The following SPATA17 variants were observed in gnomAD, a reference collection of about 807,000 sequenced individuals.
SPATA17 encodes spermatogenesis associated 17, also known as spermatogenesis-associated protein 17.
A neutral mutation model predicts 62.2 loss-of-function variants in SPATA17; 53 were observed. That is an observed-to-expected ratio of 0.85 (90% CI 0.68 to 1.07). The LOEUF (loss-of-function observed/expected upper bound fraction) is 1.07. SPATA17 is among the 50% of genes least tolerant of loss of function. SPATA17 has a pLI of 0.00. For synonymous variants in SPATA17, 146 were observed against 146.8 expected, an observed-to-expected ratio of 0.99 and a Z score of 0.04; for missense variants, 466 against 425.5, an observed-to-expected ratio of 1.10 and a Z score of -0.84.
At chr1:217,663,636 T>A (rs1670618508) in intron 3 of SPATA17, among the ~76,000 whole-genome samples, 1 of 152,170 alleles carries the variant, frequency 6.6e-6, no homozygotes, top group African/African-American at 2.4e-5. Context: ...AGATCTGTTA[T>A]CCATTGTGCA....
chr1:217,843,191 C>T (rs896709267), intron 9 of SPATA17, among the ~76,000 whole-genome samples: 9 of 152,106 alleles, frequency 5.9e-5, no homozygotes, highest in African/African-American at 2.2e-4. Context: ...TTCTTGGGCA[C>T]AGCATTCTAC....
chr1:217,658,211 CA>C (rs1670483911), intron 3 of SPATA17, among the ~76,000 whole-genome samples: 1 of 152,110 alleles, frequency 6.6e-6, no homozygotes, highest in African/African-American at 2.4e-5. Context: ...GTGTTTGGGT[CA>C]TGGGGGAGGA....
chr1:217,667,659 GAT>G (rs577940753), intron 3 of SPATA17, among the ~76,000 whole-genome samples: 151 of 152,202 alleles, frequency 9.9e-4, no homozygotes, highest in African/African-American at 3.3e-3. Flanking sequence ...ACAATGATAT[GAT>G]AAAGACAAGA....
intron 9 of SPATA17, among the ~76,000 whole-genome samples, chr1:217,822,022 G>T (rs1490287202): frequency 1.3e-5 from 2 of 152,086 alleles, no homozygotes; most frequent in Non-Finnish European, 1.5e-5. Context: ...ACTAGGGATT[G>T]CTAAACTTTC....
At chr1:217,792,470 A>G (rs1674018083) in intron 8 of SPATA17, among the ~76,000 whole-genome samples, 1 of 152,106 alleles carries the variant, frequency 6.6e-6, no homozygotes, top group Non-Finnish European at 1.5e-5. Context: ...CTTTCTACTG[A>G]CTAGCTTAAC....
At chr1:217,814,308 T>G (rs1195558688) in intron 9 of SPATA17, among the ~76,000 whole-genome samples, 3 of 152,182 alleles carry the variant, frequency 2.0e-5, no homozygotes, top group Non-Finnish European at 2.9e-5. Flanking sequence ...GAGAGATCTC[T>G]CCATTAGATT....
At chr1:217,836,703 T>G (rs921847579) in intron 9 of SPATA17, among the ~76,000 whole-genome samples, 6 of 152,096 alleles carry the variant, frequency 3.9e-5, no homozygotes, top group Non-Finnish European at 8.8e-5. Flanking sequence ...AAATCAAAAT[T>G]TGGGTTAATT....
chr1:217,642,772 A>G lies in SPATA17; in HGVS notation c.69-6110A>G, dbSNP rs935993773. Among the ~76,000 whole-genome samples the G allele has an allele frequency of 2.0e-5, 3 of 152,140 alleles. No individual in the cohort carries two copies. The East Asian group carries it at 5.8e-4, about 29-fold the overall frequency. On this transcript the variant is annotated intron_variant, in intron 1 of 10. Coordinates refer to ENST00000366933, the MANE Select transcript of SPATA17 (RefSeq NM_138796.4). ...TGCTTCTTCTTCCACCATGATTGTA[A>G]GTTTCCTGAGGGCTCCCAGCCATGC...
intron 5 of SPATA17, among the ~76,000 whole-genome samples, chr1:217,714,225 T>C (rs1489951248): frequency 6.6e-6 from 1 of 151,780 alleles, no homozygotes; most frequent in Non-Finnish European, 1.5e-5. Context: ...CCATCTCTAC[T>C]AAAAATTAAA....
intron 6 of SPATA17, among the ~76,000 whole-genome samples, chr1:217,747,973 A>G (rs943107507): frequency 6.6e-6 from 1 of 152,182 alleles, no homozygotes; most frequent in Non-Finnish European, 1.5e-5. Flanking sequence ...AATCATATTA[A>G]ATCATATTTG....
intron 9 of SPATA17, among the ~76,000 whole-genome samples, chr1:217,842,635 T>A (rs374960152): frequency 5.1e-4 from 78 of 152,124 alleles, no homozygotes; most frequent in African/African-American, 1.7e-3. Context: ...GATGTCACCT[T>A]TTTATTCATG....
intron 9 of SPATA17, among the ~76,000 whole-genome samples, chr1:217,811,557 G>A (rs531181462): frequency 6.6e-6 from 1 of 151,850 alleles, no homozygotes; most frequent in Admixed American, 6.6e-5. Flanking sequence ...GCTGGGCATG[G>A]TGGTGCACAC....
chr1:217,675,570 G>T (rs958966525), intron 4 of SPATA17, among the ~76,000 whole-genome samples: 4 of 152,150 alleles, frequency 2.6e-5, no homozygotes, highest in African/African-American at 9.7e-5. Flanking sequence ...GCAAGAAAAA[G>T]ATTGCCATGT....
intron 2 of SPATA17, among the ~76,000 whole-genome samples, chr1:217,649,203 G>A (rs1670253415): frequency 6.6e-6 from 1 of 151,990 alleles, no homozygotes; most frequent in Non-Finnish European, 1.5e-5. Context: ...TATTGGCTGG[G>A]CGCAGTGGCT....
chr1:217,828,539 C>A (rs201943779), intron 9 of SPATA17, among the ~76,000 whole-genome samples: 8 of 128,494 alleles, frequency 6.2e-5, no homozygotes, highest in Admixed American at 8.3e-5. Flanking sequence ...AATATCACAC[C>A]AAAAAAAAAA....
At chr1:217,652,294 C>T (rs1296311146) in intron 3 of SPATA17, among the ~76,000 whole-genome samples, 2 of 152,148 alleles carry the variant, frequency 1.3e-5, no homozygotes, top group Non-Finnish European at 2.9e-5. Context: ...TGCAATGGCA[C>T]GATTTCGTCT....
chr1:217,794,506 A>T (rs548835815), intron 8 of SPATA17, among the ~76,000 whole-genome samples: 1 of 152,336 alleles, frequency 6.6e-6, no homozygotes, highest in Non-Finnish European at 1.5e-5. Context: ...GTAGCTTGTG[A>T]GCTGCATATG....
chr1:217,738,799 A>G (rs1672567822), intron 5 of SPATA17, among the ~76,000 whole-genome samples: 1 of 152,224 alleles, frequency 6.6e-6, no homozygotes, highest in Non-Finnish European at 1.5e-5. Flanking sequence ...TAAAAATACA[A>G]AAATTAGCTG....
intron 4 of SPATA17, among the ~76,000 whole-genome samples, chr1:217,679,938 T>C (rs756547423): frequency 1.4e-4 from 21 of 152,222 alleles, no homozygotes; most frequent in Non-Finnish European, 2.6e-4. Context: ...TACCAAATCA[T>C]AAACTCGCAT....
Sources: allele counts gnomAD v4.1 joint callset (sites outside exome capture counted in the v4.1 genomes callset), GRCh38; gene constraint gnomAD v4.1.1; transcripts MANE v1.5; gene names NCBI Gene and HGNC (gene_info 2026-07-23, HGNC 2026-07-21).